The following DNM1 variants were observed in gnomAD, a reference collection of about 807,000 sequenced individuals.
DNM1 encodes dynamin 1, also known as dynamin-1.
In DNM1, 29 loss-of-function variants were observed where a neutral mutation model predicts 104.6. The ratio of observed to expected loss-of-function variants is 0.28; its 90% confidence interval spans 0.21 to 0.38. DNM1 has a LOEUF of 0.38. Ranked by LOEUF, DNM1 falls within the 10% of genes least tolerant of loss-of-function variation. DNM1 has a pLI of 1.00. For missense variants in DNM1, 640 were observed against 1,189.4 expected (o/e 0.54, Z 6.79); for synonymous variants, 445 against 475.8 (o/e 0.94, Z 0.84).
At chr9:128,212,394 G>A (rs1046531475) in intron 1 of DNM1, among the ~76,000 whole-genome samples, 1 of 152,168 alleles carries the variant, frequency 6.6e-6, no homozygotes, top group Non-Finnish European at 1.5e-5. Flanking sequence ...AGGACTGCTT[G>A]AGCTCAGGAA....
chr9:128,250,432 G>A (rs1829441234), intron 20 of DNM1, 76 bp downstream of exon 20: 1 of 1,423,780 alleles, frequency 7.0e-7, no homozygotes, highest in Non-Finnish European at 9.3e-7. Context: ...ACCGGGCAGT[G>A]GCGCGCCCGC....
Position 128,232,343 on chromosome 9 carries a change from C to T in DNM1, c.1336-1678C>T, listed in dbSNP as rs370532669. ...CAGGAGCAGTGGGGTTCACAGGGCC[C>T]CTCTAGTCACCGTTTTTAAGCCCCT... On this transcript the variant is annotated intron_variant, in intron 10 of 21. Coordinates refer to ENST00000372923, the MANE Select transcript of DNM1 (RefSeq NM_004408.4). Among the ~76,000 whole-genome samples, 6 of 152,234 alleles carry T rather than the reference C, an allele frequency of 3.9e-5. No individual in the cohort carries two copies. The East Asian group carries it at 7.7e-4, about 20-fold the overall frequency.
chr9:128,252,157 G>C (rs929130516), intron 21 of DNM1: 11 of 200,974 alleles, frequency 5.5e-5, no homozygotes, highest in Non-Finnish European at 8.1e-5. Flanking sequence ...CGGTTGTGGG[G>C]ATCGAGGGAG....
chr9:128,210,693 A>G (rs1017418215), intron 1 of DNM1, among the ~76,000 whole-genome samples: 4 of 152,084 alleles, frequency 2.6e-5, no homozygotes, highest in Non-Finnish European at 5.9e-5. Flanking sequence ...AGCGTAGGGA[A>G]CCTGCCTAAT....
Position 128,218,428 on chromosome 9 carries a change from G to T in DNM1, c.235+124G>T, listed in dbSNP as rs1834742614. The T allele has an allele frequency of 5.0e-6, 7 of 1,407,976 alleles. 1 individual carries two copies. In the South Asian group the frequency reaches 8.2e-5, roughly 16 times the overall value. The allele number at this position is 1,407,976 out of a possible 1,614,324, so 87.2% of individuals were successfully genotyped here. A position where few individuals can be genotyped will look rare whatever the true frequency, so the allele number is the denominator to read the frequency against. ...TGACTGTGGGCCTCGTTCCCCTTAG[G>T]GATAGCGGGGATCAAAATACATAAT... On this transcript the variant is annotated intron_variant, in intron 2 of 21. Transcript: ENST00000372923. The surrounding 1 kb of genome is among the most constrained non-coding windows in gnomAD (Gnocchi z 4.8).
In DNM1 at chr9:128,247,912, T is replaced by C; in HGVS notation, c.1894-12T>C. ...TGGCGGCGGTGGCAATGTTGGTGTG[T>C]GGGCCTCCCAGGACAAAGAGAAAGT... On this transcript the variant is annotated splice_polypyrimidine_tract_variant and intron_variant, in intron 17 of 21. Transcript: ENST00000372923. The surrounding 1 kb of genome is among the most constrained non-coding windows in gnomAD (Gnocchi z 5.1). 1.2e-6 allele frequency: 2 copies of C among 1,613,668 alleles called. No homozygotes were observed. The highest frequency in any genetic ancestry group is 1.7e-6 in the Non-Finnish European group (2 of 1,179,720).
At chr9:128,228,900 T>C (rs111828422) in intron 10 of DNM1, among the ~76,000 whole-genome samples, 1,603 of 151,912 alleles carry the variant, frequency 0.011, 29 homozygotes, top group African/African-American at 0.037. Flanking sequence ...GGAGAATCGC[T>C]TGAACCTGGG....
chr9:128,250,085 C>T (rs1438899459), intron 19 of DNM1, 30 bp from the exon 20 acceptor site: 1 of 1,613,686 alleles, frequency 6.2e-7, no homozygotes, highest in East Asian at 2.2e-5. Context: ...CATCAGGTCC[C>T]CACCTCCTTC....
At chr9:128,234,133 C>T (rs200254833) in intron 11 of DNM1, 26 bp downstream of exon 11, 7 of 1,500,204 alleles carry the variant, frequency 4.7e-6, no homozygotes, top group South Asian at 1.3e-5. Context: ...CCCGGCCTGG[C>T]CGCGCCTTCC....
At position 128,211,472 on chromosome 9, in the gene DNM1, CTTTTTTTTTTT is replaced by C. The variant is rs56712140; in HGVS notation, c.162-6743_162-6733del. 2.6e-4 allele frequency among the ~76,000 whole-genome samples: 20 copies of C among 78,118 alleles called. No homozygotes were observed. In the Admixed American group the frequency reaches 2.6e-3, roughly 10 times the overall value. 51.2% of individuals were successfully genotyped at this position (78,118 alleles called of 152,430 possible). On this transcript the variant is annotated intron_variant, in intron 1 of 21. Coordinates refer to ENST00000372923, the MANE Select transcript of DNM1 (RefSeq NM_004408.4). ...ATGCTGTTCTCTCGCCTGGAAGCCTCTTTTTTTTTTTTTTTTTTTTTTTTTTCTGTACAGAC... is the reference window on the plus strand; with the variant it reads ...ATGCTGTTCTCTCGCCTGGAAGCCTCTTTTTTTTTTTTTTTCTGTACAGAC...
In DNM1 at chr9:128,234,077, C is replaced by A; in HGVS notation, c.1392C>A (p.Ile464=). Residue 464 remains isoleucine (I), a synonymous_variant, in exon 11 of 22, where the codon ATC becomes ATA. Coordinates refer to ENST00000372923, the MANE Select transcript of DNM1 (RefSeq NM_004408.4). The part of the protein sequence containing the change: ...EEMERIVTTH[I]REREGRTKEQ... Reference sequence around the variant, plus strand: ...TGGAGCGCATCGTGACCACCCACATCCGGGAGCGCGAGGGCCGCACTAAGG... The same window carrying A: ...TGGAGCGCATCGTGACCACCCACATACGGGAGCGCGAGGGCCGCACTAAGG... 6.3e-7 allele frequency: 1 copy of A among 1,575,010 alleles called. No individual in the cohort carries two copies. Among genetic ancestry groups the A allele is most frequent in the East Asian group, 2.4e-5 (1 of 42,334 alleles).
At chr9:128,246,714 C>T (rs182059375) in intron 16 of DNM1, among the ~76,000 whole-genome samples, 2 of 145,820 alleles carry the variant, frequency 1.4e-5, no homozygotes, top group Admixed American at 7.0e-5. Flanking sequence ...CTCCTTCCCT[C>T]CCTCTTTTCC....
chr9:128,230,634 T>C (rs573440082), intron 10 of DNM1, among the ~76,000 whole-genome samples: 1 of 151,834 alleles, frequency 6.6e-6, no homozygotes, highest in South Asian at 2.1e-4. Flanking sequence ...GTATTTTTAG[T>C]AGAGACGAGG....
rs1829319008 is a variant in DNM1, at chr9:128,248,645, A to G, written c.1968A>G (p.Glu656=). Residue 656 remains glutamate, a synonymous_variant, in exon 19 of 22, where the codon GAA becomes GAG. Transcript: ENST00000372923. This position sits in a 1 kb window ranked among gnomAD's most constrained non-coding sequence, Gnocchi z 5.6. ...TGCATTCCATGGACCCACAGCTGGA[A>G]CGGCAAGTGGAGACCATCCGGAATC... ...SFMHSMDPQL[E]RQVETIRNLV... 4 of 1,614,072 alleles carry G rather than the reference A, an allele frequency of 2.5e-6. No homozygotes were observed. Among genetic ancestry groups the G allele is most frequent in the Non-Finnish European group, 3.4e-6 (4 of 1,179,940 alleles).
In DNM1 at chr9:128,253,990, C is replaced by T; in HGVS notation, c.2535-664C>T. The T allele has an allele frequency of 8.1e-7, 1 of 1,234,404 alleles. No homozygotes were observed. Among genetic ancestry groups the T allele is most frequent in the Non-Finnish European group, 1.0e-6 (1 of 989,676 alleles). The allele number at this position is 1,234,404 out of a possible 1,614,324, so 76.5% of individuals were successfully genotyped here. A position where few individuals can be genotyped will look rare whatever the true frequency, so the allele number is the denominator to read the frequency against. On this transcript the variant is annotated intron_variant, in intron 21 of 21. Transcript: ENST00000372923. The surrounding 1 kb of genome is among the most constrained non-coding windows in gnomAD (Gnocchi z 5.9). ...CATTCTCCTGCCACTGACTCTCGCTCTTCTGCTTTTCCCAGCAGGAAGGGC... is the reference window on the plus strand; with the variant it reads ...CATTCTCCTGCCACTGACTCTCGCTTTTCTGCTTTTCCCAGCAGGAAGGGC...
At chr9:128,238,700 G>A (rs1836168594) in intron 11 of DNM1, among the ~76,000 whole-genome samples, 1 of 148,482 alleles carries the variant, frequency 6.7e-6, no homozygotes, top group African/African-American at 2.5e-5. Context: ...CTGTCATCCA[G>A]GCTGGAGTGC....
Position 128,203,756 on chromosome 9 carries a change from C to A in DNM1, c.161+125C>A. On this transcript the variant is annotated intron_variant, in intron 1 of 21. Coordinates refer to ENST00000372923, the MANE Select transcript of DNM1 (RefSeq NM_004408.4). The surrounding 1 kb of genome is among the most constrained non-coding windows in gnomAD (Gnocchi z 5.3). Reference sequence around the variant, plus strand: ...GCTGCACCCGCGGCCGGCGCGCCCCCCACCCCCAGCCGGAGCGAGGAGGCC... The same window carrying A: ...GCTGCACCCGCGGCCGGCGCGCCCCACACCCCCAGCCGGAGCGAGGAGGCC... 2 of 883,976 alleles carry A rather than the reference C, an allele frequency of 2.3e-6. No homozygotes were observed. Among genetic ancestry groups the A allele is most frequent in the African/African-American group, 1.8e-5 (1 of 55,156 alleles). The allele number at this position is 883,976 out of a possible 1,614,324, so 54.8% of individuals were successfully genotyped here. A position where few individuals can be genotyped will look rare whatever the true frequency, so the allele number is the denominator to read the frequency against.
At position 128,218,775 on chromosome 9, in the gene DNM1, T is replaced by A. The variant is rs1350958945; in HGVS notation, c.385+44T>A. Reference sequence around the variant, plus strand: ...CCCTAACCTCTAAGAATCATTTTCTTGGCCACGCACCTCTGCGTGCCTCGC... The same window carrying A: ...CCCTAACCTCTAAGAATCATTTTCTAGGCCACGCACCTCTGCGTGCCTCGC... On this transcript the variant is annotated intron_variant, in intron 3 of 21. Coordinates refer to ENST00000372923, the MANE Select transcript of DNM1 (RefSeq NM_004408.4). The surrounding 1 kb of genome is among the most constrained non-coding windows in gnomAD (Gnocchi z 4.8). The A allele has an allele frequency of 6.4e-7, 1 of 1,552,534 alleles. No homozygotes were observed. Among genetic ancestry groups the A allele is most frequent in the East Asian group, 2.3e-5 (1 of 43,660 alleles).
intron 1 of DNM1, among the ~76,000 whole-genome samples, chr9:128,205,635 G>A (rs181561936): frequency 2.0e-5 from 3 of 152,330 alleles, no homozygotes; most frequent in East Asian, 3.9e-4. Flanking sequence ...GAATGGAAAC[G>A]CTGACAGCCG....
Sources: allele counts gnomAD v4.1 joint callset (sites outside exome capture counted in the v4.1 genomes callset), GRCh38; gene constraint gnomAD v4.1.1; non-coding constraint Gnocchi (gnomAD v3.1); transcripts MANE v1.5; gene names NCBI Gene and HGNC (gene_info 2026-07-23, HGNC 2026-07-21).